FZR1: variants seen among roughly 807,000 people sequenced by gnomAD.
FZR1 encodes fizzy-related protein homolog.
In FZR1, 11 loss-of-function variants were observed where a neutral mutation model predicts 63.6. The ratio of observed to expected loss-of-function variants is 0.17; its 90% CI spans 0.11 to 0.29. The LOEUF (loss-of-function observed/expected upper bound fraction) is 0.29. FZR1 is among the 10% of genes least tolerant of loss of function. The pLI is 1.00. For synonymous variants in FZR1, 328 were observed against 297.9 expected, an observed-to-expected ratio of 1.10 and a Z score of -1.04; for missense variants, 440 against 687.5, an observed-to-expected ratio of 0.64 and a Z score of 4.03.
intron 7 of FZR1, among the ~76,000 whole-genome samples, chr19:3,529,586 G>A (rs182952322): frequency 6.7e-6 from 1 of 148,612 alleles, no homozygotes; most frequent in Non-Finnish European, 1.5e-5. Flanking sequence ...ATGGGTGAGT[G>A]GATGAGAGTG....
chr19:3,511,396 T>C (rs2083023503), intron 1 of FZR1, among the ~76,000 whole-genome samples: 1 of 152,188 alleles, frequency 6.6e-6, no homozygotes, highest in South Asian at 2.1e-4. Context: ...CACTCTAGAC[T>C]GCTATTCACT....
intron 1 of FZR1, among the ~76,000 whole-genome samples, chr19:3,517,117 C>T (rs1285493859): frequency 3.9e-5 from 6 of 152,208 alleles, no homozygotes; most frequent in Non-Finnish European, 8.8e-5. Flanking sequence ...CAGCTGGGCG[C>T]GGTGGCTCAC....
At position 3,526,024 on chromosome 19, in the gene FZR1, C is replaced by A; in HGVS notation, c.195+31C>A. ...GGGCTGGCTGGGCAGGAGATGGGAC[C>A]CCCCGGGAAGCCCAGGGCCCCTCCC... On this transcript the variant is annotated intron_variant, in intron 3 of 13. Transcript: ENST00000441788. The surrounding 1 kb of genome is among the most constrained non-coding windows in gnomAD (Gnocchi z 5.4). 1 of 1,611,248 alleles carries A rather than the reference C, an allele frequency of 6.2e-7. No individual in the cohort carries two copies. The highest frequency in any genetic ancestry group is 8.5e-7 in the Non-Finnish European group (1 of 1,179,242).
chr19:3,510,993 G>T (rs556654475), intron 1 of FZR1, among the ~76,000 whole-genome samples: 2 of 152,232 alleles, frequency 1.3e-5, no homozygotes, highest in Non-Finnish European at 2.9e-5. Context: ...GCCTCACCTC[G>T]CCTGGGACCC....
intron 1 of FZR1, among the ~76,000 whole-genome samples, chr19:3,518,858 C>G (rs2083078233): frequency 6.6e-6 from 1 of 152,090 alleles, no homozygotes; most frequent in Non-Finnish European, 1.5e-5. Context: ...AGCGAGAGAC[C>G]CTGTCTCCAT....
rs924852788 is a variant in FZR1, at chr19:3,506,343, C to T, written c.-166C>T. ...GAGCGACCGCCGCCATATTAGGGAC[C>T]GCGGAGCCCGGGATCCCGTCAGCGG... is the stretch of plus-strand genomic sequence containing the variant. On this transcript the variant is annotated 5_prime_UTR_variant, in exon 1 of 14. Transcript: ENST00000441788. The T allele has an allele frequency of 6.6e-6, 1 of 151,056 alleles. No individual in the cohort carries two copies. Among genetic ancestry groups the T allele is most frequent in the Non-Finnish European group, 1.5e-5 (1 of 67,674 alleles). 9.4% of individuals were successfully genotyped at this position (151,056 alleles called of 1,614,324 possible).
At chr19:3,518,851 G>A (rs373458647) in intron 1 of FZR1, among the ~76,000 whole-genome samples, 3 of 152,306 alleles carry the variant, frequency 2.0e-5, no homozygotes, top group East Asian at 3.9e-4. Context: ...GCGACAGAGC[G>A]AGAGACCCTG....
chr19:3,526,438 C>A lies in FZR1; in HGVS notation c.387+52C>A, dbSNP rs558538410. 2.1e-6 allele frequency: 3 copies of A among 1,451,260 alleles called. No individual in the cohort carries two copies. Among genetic ancestry groups the A allele is most frequent in the African/African-American group, 1.4e-5 (1 of 71,464 alleles). 89.9% of individuals were successfully genotyped at this position (1,451,260 alleles called of 1,614,324 possible). On this transcript the variant is annotated intron_variant, in intron 5 of 13. Transcript: ENST00000441788. The surrounding 1 kb of genome is among the most constrained non-coding windows in gnomAD (Gnocchi z 5.4). ...GAGCTGGCTCCCAGTGCAGCCTCCC[C>A]GGCCCCCCACCTCCCAGGCACCAGC... is the stretch of plus-strand genomic sequence containing the variant.
chr19:3,514,032 C>A lies in FZR1; in HGVS notation c.-35+7558C>A, dbSNP rs1208306046. 6.6e-6 allele frequency among the ~76,000 whole-genome samples: 1 copy of A among 152,178 alleles called. No homozygotes were observed. Among genetic ancestry groups the A allele is most frequent in the East Asian group, 1.9e-4 (1 of 5,190 alleles). On this transcript the variant is annotated intron_variant, in intron 1 of 13. Transcript: ENST00000441788. The surrounding 1 kb of genome is among the most constrained non-coding windows in gnomAD (Gnocchi z 4.2). ...TTGCAGGAGTAGGAGCTTGGCTGAGCCTCCAGGAACCAGAGTGCTGTGTTC... is the reference window on the plus strand; with the variant it reads ...TTGCAGGAGTAGGAGCTTGGCTGAGACTCCAGGAACCAGAGTGCTGTGTTC...
chr19:3,521,482 T>C (rs761809978), intron 1 of FZR1, among the ~76,000 whole-genome samples: 38 of 151,024 alleles, frequency 2.5e-4, no homozygotes, highest in Non-Finnish European at 1.5e-4. Context: ...CACGGGAATG[T>C]GATTAACACC....
Position 3,533,461 on chromosome 19 carries a change from C to T in FZR1, c.1347+63C>T. ...TCTGGACAAACTGCCATGGCCACCCCAGAGCACCCTGTCCTGTGTTCTTAG... is the reference window on the plus strand; with the variant it reads ...TCTGGACAAACTGCCATGGCCACCCTAGAGCACCCTGTCCTGTGTTCTTAG... On this transcript the variant is annotated intron_variant, in intron 12 of 13. Transcript: ENST00000441788. This position sits in a 1 kb window ranked among gnomAD's most constrained non-coding sequence, Gnocchi z 4.9. 2 of 955,362 alleles carry T rather than the reference C, an allele frequency of 2.1e-6. No individual in the cohort carries two copies. The highest frequency in any genetic ancestry group is 2.4e-5 in the East Asian group (1 of 40,946). 59.2% of individuals were successfully genotyped at this position (955,362 alleles called of 1,614,324 possible).
chr19:3,533,488 G>A lies in FZR1; in HGVS notation c.1347+90G>A, dbSNP rs740682. ...GAGCACCCTGTCCTGTGTTCTTAGG[G>A]AGGATGGTGTGCAGATCTAAAACCC... is the stretch of plus-strand genomic sequence containing the variant. On this transcript the variant is annotated intron_variant, in intron 12 of 13. Transcript: ENST00000441788. The surrounding 1 kb of genome is among the most constrained non-coding windows in gnomAD (Gnocchi z 4.9). 5.9e-3 allele frequency: 4,675 copies of A among 792,794 alleles called. 126 individuals are homozygous for A. The African/African-American group carries it at 0.064, about 11-fold the overall frequency. 49.1% of individuals were successfully genotyped at this position (792,794 alleles called of 1,614,324 possible). A position where few individuals can be genotyped will look rare whatever the true frequency, so the allele number is the denominator to read the frequency against.
chr19:3,522,972 G>C lies in FZR1; in HGVS notation c.-18G>C, dbSNP rs1475611727. 6.3e-7 allele frequency: 1 copy of C among 1,599,284 alleles called. No individual in the cohort carries two copies. Among genetic ancestry groups the C allele is most frequent in the Non-Finnish European group, 8.6e-7 (1 of 1,167,762 alleles). On this transcript the variant is annotated 5_prime_UTR_variant, in exon 2 of 14. Transcript: ENST00000441788. ...CCGCTGCAGGCTAACCTTGCCGCGG[G>C]CCGAGCCCTGCCTCGCCATGGACCA...
At chr19:3,521,355 C>G (rs1031351019) in intron 1 of FZR1, 1 of 152,218 alleles carries the variant, frequency 6.6e-6, no homozygotes, top group South Asian at 2.1e-4. Context: ...ACTTACCTGC[C>G]AAAGAAGTCA....
At position 3,528,792 on chromosome 19, in the gene FZR1, A is replaced by T. The variant is rs923701994; in HGVS notation, c.654+978A>T. Among the ~76,000 whole-genome samples, 42 of 109,032 alleles carry T rather than the reference A, an allele frequency of 3.9e-4. 1 individual carries two copies. In the East Asian group the frequency reaches 4.9e-3, roughly 13 times the overall value. The allele number at this position is 109,032 out of a possible 152,430, so 71.5% of individuals were successfully genotyped here. A position where few individuals can be genotyped will look rare whatever the true frequency, so the allele number is the denominator to read the frequency against. On this transcript the variant is annotated intron_variant, in intron 7 of 13. Transcript: ENST00000441788. Reference sequence around the variant, plus strand: ...GTGCGTGGATGGGTGCGTGGATGGGAGAGTGGATGGGTACGTGGATGGGTG... The same window carrying T: ...GTGCGTGGATGGGTGCGTGGATGGGTGAGTGGATGGGTACGTGGATGGGTG...
chr19:3,521,073 G>C (rs145936941), intron 1 of FZR1, among the ~76,000 whole-genome samples: 7 of 152,324 alleles, frequency 4.6e-5, no homozygotes, highest in Admixed American at 2.0e-4. Flanking sequence ...GTGTTCTGGC[G>C]TGTGGAGGGC....
chr19:3,517,660 C>A (rs747918090), intron 1 of FZR1, among the ~76,000 whole-genome samples: 1 of 151,594 alleles, frequency 6.6e-6, no homozygotes, highest in Non-Finnish European at 1.5e-5. Flanking sequence ...TGCACTCCAG[C>A]CTGGGCAAAA....
rs1228847852 is a variant in FZR1, at chr19:3,515,663, A to T, written c.-34-7293A>T. On this transcript the variant is annotated intron_variant, in intron 1 of 13. Transcript: ENST00000441788. The surrounding 1 kb of genome is among the most constrained non-coding windows in gnomAD (Gnocchi z 4.6). ...GCCCCTGTAGTCCCAGCTACTCGGG[A>T]GGCTGAGGCAGGAGAATGGTGTGAA... 1.3e-5 allele frequency among the ~76,000 whole-genome samples: 2 copies of T among 151,446 alleles called. No homozygotes were observed. Among genetic ancestry groups the T allele is most frequent in the Non-Finnish European group, 2.9e-5 (2 of 67,902 alleles).
intron 1 of FZR1, among the ~76,000 whole-genome samples, chr19:3,511,207 G>A (rs1236910667): frequency 6.6e-6 from 1 of 152,244 alleles, no homozygotes; most frequent in East Asian, 1.9e-4. Context: ...ACAGGGCTGT[G>A]GGTACTCGGT....
Sources: allele counts gnomAD v4.1 joint callset (sites outside exome capture counted in the v4.1 genomes callset), GRCh38; gene constraint gnomAD v4.1.1; non-coding constraint Gnocchi (gnomAD v3.1); transcripts MANE v1.5; gene names NCBI Gene and HGNC (gene_info 2026-07-23, HGNC 2026-07-21).